COL19A1: variants seen among roughly 807,000 people sequenced by gnomAD.
COL19A1 encodes collagen type XIX alpha 1 chain, also known as collagen alpha-1(XIX) chain.
A neutral mutation model predicts 190.2 loss-of-function variants in COL19A1; 159 were observed. That is an observed-to-expected ratio of 0.84 (90% CI 0.73 to 0.95). The LOEUF (loss-of-function observed/expected upper bound fraction) is 0.95, where lower values mean the gene tolerates loss of function less well. COL19A1 is among the 40% of genes least tolerant of loss of function. The pLI is 0.00. For synonymous variants in COL19A1, 509 were observed against 458.9 expected (o/e 1.11, Z -1.39); for missense variants, 1,418 against 1,431.9 (o/e 0.99, Z 0.16).
At chr6:70,005,874 T>C (rs1777589377) in intron 11 of COL19A1, among the ~76,000 whole-genome samples, 1 of 152,126 alleles carries the variant, frequency 6.6e-6, no homozygotes, top group Non-Finnish European at 1.5e-5. Context: ...TTGGACTTCC[T>C]GCAGGGAAGA....
intron 16 of COL19A1, among the ~76,000 whole-genome samples, chr6:70,109,764 TCA>T (rs550066509): frequency 5.3e-4 from 80 of 152,254 alleles, no homozygotes; most frequent in African/African-American, 1.9e-3. Flanking sequence ...CCATTTAATT[TCA>T]GTCTTGTCTG....
intron 16 of COL19A1, among the ~76,000 whole-genome samples, chr6:70,103,190 T>C (rs1717213919): frequency 6.6e-6 from 1 of 152,172 alleles, no homozygotes; most frequent in African/African-American, 2.4e-5. Flanking sequence ...TAATCCTAGA[T>C]TTTTTTGTTC....
At chr6:70,008,649 A>T (rs1777783739) in intron 11 of COL19A1, among the ~76,000 whole-genome samples, 1 of 152,000 alleles carries the variant, frequency 6.6e-6, no homozygotes, top group African/African-American at 2.4e-5. Context: ...TTTTTTCAAA[A>T]ATCAAAAAGG....
chr6:70,139,223 T>C (rs1414542403), intron 19 of COL19A1, among the ~76,000 whole-genome samples: 1 of 152,084 alleles, frequency 6.6e-6, no homozygotes, highest in Non-Finnish European at 1.5e-5. Context: ...AGTCTGTGTT[T>C]CTCATAAGCT....
intron 9 of COL19A1, among the ~76,000 whole-genome samples, chr6:69,943,964 C>T (rs781152656): frequency 1.3e-5 from 2 of 152,142 alleles, no homozygotes; most frequent in Non-Finnish European, 2.9e-5. Context: ...CCCCAAAGCT[C>T]TAACCATGGG....
chr6:69,995,453 C>T (rs1022260167), intron 11 of COL19A1, among the ~76,000 whole-genome samples: 1 of 151,818 alleles, frequency 6.6e-6, no homozygotes, highest in Non-Finnish European at 1.5e-5. Context: ...AGCAATTAGC[C>T]AAGTTAACTA....
chr6:70,036,869 G>T (rs1181684139), intron 14 of COL19A1, among the ~76,000 whole-genome samples: 1 of 152,006 alleles, frequency 6.6e-6, no homozygotes. Context: ...AAAACTGTGT[G>T]ATTTTGATAA....
chr6:70,129,787 C>T (rs2150222081), intron 17 of COL19A1, among the ~76,000 whole-genome samples: 1 of 152,316 alleles, frequency 6.6e-6, no homozygotes, highest in South Asian at 2.1e-4. Context: ...ACTGTAGAGT[C>T]TAATGTAGTG....
chr6:70,204,859 A>G (rs1767764614), intron 49 of COL19A1, among the ~76,000 whole-genome samples: 1 of 152,134 alleles, frequency 6.6e-6, no homozygotes, highest in Non-Finnish European at 1.5e-5. Flanking sequence ...TATCAAATAT[A>G]CCTCAGGAAA....
intron 14 of COL19A1, among the ~76,000 whole-genome samples, chr6:70,042,142 G>A (rs765197774): frequency 6.6e-6 from 1 of 152,140 alleles, no homozygotes; most frequent in Non-Finnish European, 1.5e-5. Flanking sequence ...GAGATGGGGT[G>A]GAAATGTAAA....
chr6:69,881,410 TAAC>T (rs72004207), intron 2 of COL19A1, among the ~76,000 whole-genome samples: 4,381 of 152,306 alleles, frequency 0.029, 96 homozygotes, highest in Non-Finnish European at 0.046. Context: ...TCTGCCCTCT[TAAC>T]AAATTTTTAA....
At chr6:70,078,386 CAAGAG>C (rs1782018629) in intron 15 of COL19A1, among the ~76,000 whole-genome samples, 1 of 152,164 alleles carries the variant, frequency 6.6e-6, no homozygotes, top group Admixed American at 6.6e-5. Flanking sequence ...GGGAAGCAGA[CAAGAG>C]AAGAGAAGAA....
rs369162139 is a variant in COL19A1 at position 70,168,207 on chromosome 6, G to A, written c.2533G>A (p.Gly845Ser). 64 of 1,612,762 alleles carry A rather than the reference G, an allele frequency of 4.0e-5. No homozygotes were observed. The highest frequency in any genetic ancestry group is 1.5e-4 in the South Asian group (14 of 90,842). ...TGTTCCCAGTTACCCAGGGCCACCCGGTCCTCCTGTAAGTACAGTTGTTTA... is the reference window on the plus strand; with the variant it reads ...TGTTCCCAGTTACCCAGGGCCACCCAGTCCTCCTGTAAGTACAGTTGTTTA... ...VNVPSYPGPP[G>S]PPGPKGDPGP... Residue 845 changes from glycine to serine, a missense_variant, in exon 39 of 51, where the codon GGT becomes AGT. Coordinates refer to ENST00000620364, the MANE Select transcript of COL19A1 (RefSeq NM_001858.6).
At chr6:70,115,345 A>C (rs1784501909) in intron 16 of COL19A1, among the ~76,000 whole-genome samples, 1 of 152,210 alleles carries the variant, frequency 6.6e-6, no homozygotes, top group South Asian at 2.1e-4. Context: ...GGAAAATATA[A>C]TACTACCCAC....
At chr6:69,917,316 A>G (rs888525466) in intron 4 of COL19A1, among the ~76,000 whole-genome samples, 1 of 152,220 alleles carries the variant, frequency 6.6e-6, no homozygotes, top group African/African-American at 2.4e-5. Context: ...GATATAGCAC[A>G]GTCTCATAAG....
intron 4 of COL19A1, among the ~76,000 whole-genome samples, chr6:69,921,221 TC>T (rs1174348597): frequency 1.5e-5 from 2 of 131,876 alleles, no homozygotes; most frequent in Admixed American, 1.8e-4. Context: ...ATATAATATA[TC>T]CATATGTATT....
intron 42 of COL19A1, among the ~76,000 whole-genome samples, chr6:70,179,033 C>T (rs368314034): frequency 3.3e-5 from 5 of 152,082 alleles, no homozygotes; most frequent in African/African-American, 7.2e-5. Flanking sequence ...CCTCTATACC[C>T]GCCATGTCCC....
chr6:70,162,054 T>G lies in COL19A1; in HGVS notation c.2346+101T>G. 3.7e-6 allele frequency: 4 copies of G among 1,069,486 alleles called. No individual in the cohort carries two copies. The South Asian group carries it at 7.6e-5, about 20-fold the overall frequency. 66.2% of individuals were successfully genotyped at this position (1,069,486 alleles called of 1,614,324 possible). A position where few individuals can be genotyped will look rare whatever the true frequency, so the allele number is the denominator to read the frequency against. ...TTGCCTTTTGTTCTCTGTGCCTCTA[T>G]GTAGATTGTCCAGATATTGCCTGGA... On this transcript the variant is annotated intron_variant, in intron 35 of 50. Transcript: ENST00000620364.
intron 11 of COL19A1, among the ~76,000 whole-genome samples, chr6:70,008,793 A>C (rs1052385655): frequency 6.6e-6 from 1 of 151,844 alleles, no homozygotes; most frequent in Non-Finnish European, 1.5e-5. Context: ...TACATAAAAA[A>C]CCACTTAACA....
Sources: gnomAD v4.1 joint callset for allele counts (sites outside exome capture counted in the v4.1 genomes callset) on GRCh38, gnomAD v4.1.1 for gene constraint, MANE v1.5 for transcripts, NCBI Gene and HGNC (gene_info 2026-07-23, HGNC 2026-07-21) for gene names.